The following SPC25 variants were observed in gnomAD, a reference collection of about 807,000 sequenced individuals.
The protein encoded by SPC25 is SPC25 component of NDC80 kinetochore complex, also known as kinetochore protein Spc25.
In SPC25, 22 loss-of-function variants were observed where a neutral mutation model predicts 29.6. The ratio of observed to expected loss-of-function variants is 0.74; its 90% confidence interval spans 0.53 to 1.06. The LOEUF is 1.06. Among genes scored for constraint, SPC25 ranks in the 50% least tolerant of loss-of-function variants. The pLI, the probability that SPC25 is intolerant of heterozygous loss-of-function variation, is 0.00. For missense variants in SPC25, 230 were observed against 255.8 expected (o/e 0.90, Z 0.69); for synonymous variants, 91 against 90.4 (o/e 1.01, Z -0.04).
chr2:168,884,350 A>G (rs1340262727), intron 3 of SPC25, among the ~76,000 whole-genome samples: 2 of 152,212 alleles, frequency 1.3e-5, no homozygotes, highest in Admixed American at 6.5e-5. Flanking sequence ...ATAATAATGT[A>G]AAAGCCTGCC....
chr2:168,862,127 G>A lies in SPC25; in HGVS notation n.419+11458C>T, dbSNP rs114709581. The A allele has an allele frequency of 8.6e-4, 1,136 of 1,316,828 alleles. 10 individuals carry two copies. In the African/African-American group the frequency reaches 0.015, roughly 18 times the overall value. 81.6% of individuals were successfully genotyped at this position (1,316,828 alleles called of 1,614,324 possible). A position where few individuals can be genotyped will look rare whatever the true frequency, so the allele number is the denominator to read the frequency against. On this transcript the variant is annotated intron_variant and non_coding_transcript_variant, in intron 4 of 4. Transcript: ENST00000479309. ...CATGAATAAAACCCTGTCTTAGTGT[G>A]GCAGCCTTAAGAGTTACTACCATGT...
intron 4 of SPC25, chr2:168,865,281 G>A: frequency 8.3e-6 from 2 of 240,002 alleles, no homozygotes; most frequent in Non-Finnish European, 1.6e-5. Flanking sequence ...GGGTTCAGCT[G>A]CTTGCCTGAA....
Position 168,871,208 on chromosome 2 carries a change from G to C in SPC25, c.*223C>G, listed in dbSNP as rs896721143. 3.9e-6 allele frequency: 1 copy of C among 255,702 alleles called. No individual in the cohort carries two copies. The highest frequency in any genetic ancestry group is 2.3e-5 in the African/African-American group (1 of 42,584). 15.8% of individuals were successfully genotyped at this position (255,702 alleles called of 1,614,324 possible). On this transcript the variant is annotated 3_prime_UTR_variant, in exon 7 of 7. Transcript: ENST00000282074. ...AACATCACACAACGGGGACTGTTGTGGGTTGGGGGAGGGGGGAGGGATAGC... is the reference window on the plus strand; with the variant it reads ...AACATCACACAACGGGGACTGTTGTCGGTTGGGGGAGGGGGGAGGGATAGC...
intron 4 of SPC25, among the ~76,000 whole-genome samples, chr2:168,876,418 A>G (rs899320385): frequency 6.6e-6 from 1 of 152,044 alleles, no homozygotes; most frequent in Non-Finnish European, 1.5e-5. Context: ...GTCTTACTTT[A>G]TTATGTAGTA....
At chr2:168,887,332 G>C (rs1227583762) in intron 3 of SPC25, among the ~76,000 whole-genome samples, 4 of 151,306 alleles carry the variant, frequency 2.6e-5, no homozygotes, top group African/African-American at 7.3e-5. Flanking sequence ...TGAGGCAGGA[G>C]AATCACTTGA....
At chr2:168,862,990 T>G (rs12993143) in intron 4 of SPC25, among the ~76,000 whole-genome samples, 56,800 of 149,478 alleles carry the variant, frequency 0.38, 11,283 homozygotes, top group Non-Finnish European at 0.45. Flanking sequence ...GCCAGTCATA[T>G]CTCTCCAGGC....
chr2:168,883,099 A>G (rs1690202776), intron 3 of SPC25, among the ~76,000 whole-genome samples: 1 of 152,120 alleles, frequency 6.6e-6, no homozygotes, highest in African/African-American at 2.4e-5. Flanking sequence ...TTTATAATGA[A>G]AAACTGAAAA....
intron 3 of SPC25, among the ~76,000 whole-genome samples, 165 bp from the exon 4 acceptor site, chr2:168,877,549 C>A (rs1166851062): frequency 6.6e-6 from 1 of 151,746 alleles, no homozygotes; most frequent in Non-Finnish European, 1.5e-5. Context: ...GAAAAAAAAC[C>A]TAATCTATTC....
intron 3 of SPC25, among the ~76,000 whole-genome samples, chr2:168,877,962 G>C (rs1394372672): frequency 6.8e-6 from 1 of 146,832 alleles, no homozygotes; most frequent in Non-Finnish European, 1.5e-5. Flanking sequence ...GCCTCTCAAA[G>C]TGCTGGGATT....
downstream of SPC25, among the ~76,000 whole-genome samples, chr2:168,868,736 T>A (rs201473826): frequency 9.9e-5 from 15 of 151,978 alleles, no homozygotes; most frequent in Non-Finnish European, 1.5e-5. Flanking sequence ...CCAAAAAAAG[T>A]CCAGGACCAG....
Position 168,876,141 on chromosome 2 carries a change from A to G in SPC25, c.382T>C (p.Leu128=), listed in dbSNP as rs1690083039. 3 of 1,572,448 alleles carry G rather than the reference A, an allele frequency of 1.9e-6. No individual in the cohort carries two copies. Among genetic ancestry groups the G allele is most frequent in the South Asian group, 1.2e-5 (1 of 82,466 alleles). Residue 128 remains leucine, a synonymous_variant, in exon 5 of 7, where the codon TTG becomes CTG. Coordinates refer to ENST00000282074, the MANE Select transcript of SPC25 (RefSeq NM_020675.4). Reference sequence around the variant, plus strand: ...TCTGCAGATTTCTGCAGCCTTTTCAACCTCTCTGCATTCGCTTTATTAGCA... The same window carrying G: ...TCTGCAGATTTCTGCAGCCTTTTCAGCCTCTCTGCATTCGCTTTATTAGCA... ...STANKANAER[L]KRLQKSADLY... is the part of the protein sequence containing the mutation.
At chr2:168,889,347 G>C (rs1690350731) in intron 2 of SPC25, 40 bp downstream of exon 2, 2 of 1,613,332 alleles carry the variant, frequency 1.2e-6, no homozygotes, top group African/African-American at 2.7e-5. Flanking sequence ...AAATAAACTA[G>C]AACAGCAAAA....
At chr2:168,876,285 T>C (rs1220515683) in intron 4 of SPC25, 109 bp from the exon 5 acceptor site, 1 of 763,794 alleles carries the variant, frequency 1.3e-6, no homozygotes, top group Non-Finnish European at 2.0e-6. Context: ...GCCAAGCCTA[T>C]AAATCTGCTT....
chr2:168,871,560 A>G lies in SPC25; in HGVS notation c.551-5T>C, dbSNP rs1451865702. ...GATGAGGGGCACTATCTGACACTAG[A>G]AAAAAAAAAAAAAGAAATCAAAGAC... On this transcript the variant is annotated splice_polypyrimidine_tract_variant and splice_region_variant and intron_variant, in intron 6 of 6. Coordinates refer to ENST00000282074, the MANE Select transcript of SPC25 (RefSeq NM_020675.4). 1 of 13,190 alleles carries G rather than the reference A, an allele frequency of 7.6e-5. No individual in the cohort carries two copies. The highest frequency in any genetic ancestry group is 1.2e-4 in the Non-Finnish European group (1 of 8,670). The allele number at this position is 13,190 out of a possible 1,614,324, so 0.8% of individuals were successfully genotyped here.
At chr2:168,861,924 A>C (rs1366065526) in intron 4 of SPC25, 2 of 1,590,772 alleles carry the variant, frequency 1.3e-6, no homozygotes, top group South Asian at 2.2e-5. Context: ...TTTGCCTGCT[A>C]ACACAGCATA....
At chr2:168,861,932 A>C in intron 4 of SPC25, 1 of 1,604,754 alleles carries the variant, frequency 6.2e-7, no homozygotes, top group Non-Finnish European at 8.5e-7. Flanking sequence ...CTAACACAGC[A>C]TACTAATTAC....
intron 3 of SPC25, among the ~76,000 whole-genome samples, chr2:168,881,003 A>T (rs945960486): frequency 3.9e-5 from 6 of 152,234 alleles, no homozygotes; most frequent in Admixed American, 2.0e-4. Flanking sequence ...ACAGATACGA[A>T]GTCACCACAT....
intron 4 of SPC25, chr2:168,864,767 C>CT: frequency 2.5e-6 from 4 of 1,576,040 alleles, no homozygotes; most frequent in Non-Finnish European, 3.5e-6. Context: ...CCTTAAAACT[C>CT]TTATCAATCG....
chr2:168,867,081 T>C (rs1277369517), downstream of SPC25, among the ~76,000 whole-genome samples: 5 of 152,086 alleles, frequency 3.3e-5, no homozygotes, highest in Admixed American at 6.6e-5. Context: ...TCCTCAGGGA[T>C]CTAGAACTAG....
Sources: allele counts gnomAD v4.1 joint callset (sites outside exome capture counted in the v4.1 genomes callset), GRCh38; gene constraint gnomAD v4.1.1; transcripts MANE v1.5; gene names NCBI Gene and HGNC (gene_info 2026-07-23, HGNC 2026-07-21).